Variants in TRIM27 observed in about 807,000 individuals in gnomAD.
The protein encoded by TRIM27 is zinc finger protein RFP.
A neutral mutation model predicts 57.6 loss-of-function variants in TRIM27; 12 were observed. The observed-to-expected ratio is 0.21, with a 90% CI of 0.13 to 0.34. The LOEUF (loss-of-function observed/expected upper bound fraction) is 0.34, where lower values mean the gene tolerates loss of function less well. TRIM27 is among the 10% of genes least tolerant of loss of function. TRIM27 has a pLI of 1.00. For missense variants in TRIM27, 403 were observed against 656.8 expected, an observed-to-expected ratio of 0.61 and a Z score of 4.22; for synonymous variants, 266 against 259.0, an observed-to-expected ratio of 1.03 and a Z score of -0.26.
chr6:28,911,469 C>T (rs1773207459), intron 4 of TRIM27: 1 of 535,686 alleles, frequency 1.9e-6, no homozygotes, highest in African/African-American at 1.9e-5. Context: ...TGTCCTCATA[C>T]CCCTAATCCA....
intron 2 of TRIM27, 118 bp downstream of exon 2, chr6:28,921,774 A>G: frequency 2.5e-6 from 2 of 815,736 alleles, no homozygotes; most frequent in Non-Finnish European, 4.2e-6. Flanking sequence ...TGTGCGGTTG[A>G]TCCACCTCTA....
Position 28,920,134 on chromosome 6 carries a change from A to G in TRIM27, c.625T>C (p.Leu209=). Residue 209 remains leucine (L), a synonymous_variant, in exon 3 of 8, where the codon TTG becomes CTG. Coordinates refer to ENST00000377199, the MANE Select transcript of TRIM27 (RefSeq NM_006510.5). ...CCATTGATGCTATTGTAGATGGCCA[A>G]GTCTAGCTCCTCAAGGCGGGCCAGG... ...RLLARLEELD[L]AIYNSINGAI... is the part of the protein sequence containing the mutation. The G allele has an allele frequency of 6.2e-7, 1 of 1,614,218 alleles. No individual in the cohort carries two copies. The highest frequency in any genetic ancestry group is 8.5e-7 in the Non-Finnish European group (1 of 1,180,030).
rs146767221 is a variant in TRIM27, at chr6:28,922,095, T to C, written c.421-108A>G. 2.7e-3 allele frequency: 2,288 copies of C among 836,622 alleles called. 15 individuals carry two copies. Among genetic ancestry groups the C allele is most frequent in the Middle Eastern group, 0.025 (113 of 4,498 alleles). The allele number at this position is 836,622 out of a possible 1,614,324, so 51.8% of individuals were successfully genotyped here. A position where few individuals can be genotyped will look rare whatever the true frequency, so the allele number is the denominator to read the frequency against. ...CACACACCTGATGCCAAGTCTCCAG[T>C]TGGCGCTTGTCCTTAGGCCACACTG... On this transcript the variant is annotated intron_variant, in intron 1 of 7. Coordinates refer to ENST00000377199, the MANE Select transcript of TRIM27 (RefSeq NM_006510.5).
chr6:28,907,021 T>C lies in TRIM27; in HGVS notation c.946+215A>G, dbSNP rs549722803. ...CTTCTTTAACACCTGAGATTGATTT[T>C]ACCCTATGGCTTCAGCTCTGAGACA... On this transcript the variant is annotated intron_variant, in intron 7 of 7. Coordinates refer to ENST00000377199, the MANE Select transcript of TRIM27 (RefSeq NM_006510.5). The C allele has an allele frequency of 9.2e-6, 5 of 542,312 alleles. No homozygotes were observed. The East Asian group carries it at 1.2e-4, about 13-fold the overall frequency. 33.6% of individuals were successfully genotyped at this position (542,312 alleles called of 1,614,324 possible).
At chr6:28,916,556 A>C (rs1773626773) in intron 3 of TRIM27, among the ~76,000 whole-genome samples, 1 of 151,988 alleles carries the variant, frequency 6.6e-6, no homozygotes, top group Admixed American at 6.6e-5. Context: ...CTGCCTCAAA[A>C]AAAAAAAAAA....
intron 3 of TRIM27, chr6:28,914,708 G>T (rs1048544112): frequency 1.0e-4 from 15 of 150,594 alleles, no homozygotes; most frequent in African/African-American, 3.4e-4. Flanking sequence ...AAAAAAAAAA[G>T]AAACTGCATT....
intron 3 of TRIM27, among the ~76,000 whole-genome samples, chr6:28,914,150 T>A (rs1265022411): frequency 6.7e-6 from 1 of 150,180 alleles, no homozygotes; most frequent in Non-Finnish European, 1.5e-5. Flanking sequence ...TTTTTTTTTT[T>A]TTTGAGACAG....
intron 7 of TRIM27, chr6:28,905,736 T>G (rs1431913872): frequency 6.6e-6 from 1 of 152,178 alleles, no homozygotes; most frequent in East Asian, 1.9e-4. Context: ...ATCTTTACTC[T>G]GCACATCGAA....
chr6:28,917,819 T>C (rs1332055120), intron 3 of TRIM27, among the ~76,000 whole-genome samples: 4 of 151,758 alleles, frequency 2.6e-5, no homozygotes, highest in Non-Finnish European at 5.9e-5. Context: ...ACATGGTTTC[T>C]TTCTTCCTTT....
rs544009599 is a variant in TRIM27, at chr6:28,921,420, A to C, written c.516+472T>G. Among the ~76,000 whole-genome samples, 3 of 152,250 alleles carry C rather than the reference A, an allele frequency of 2.0e-5. No homozygotes were observed. In the East Asian group the frequency reaches 5.8e-4, roughly 29 times the overall value. ...TTCCCATATACCCCTAATATAAATT[A>C]ACACATCAGCCACTTGTTAAGGCCT... On this transcript the variant is annotated intron_variant, in intron 2 of 7. Coordinates refer to ENST00000377199, the MANE Select transcript of TRIM27 (RefSeq NM_006510.5).
intron 3 of TRIM27, among the ~76,000 whole-genome samples, chr6:28,917,739 A>G (rs1773715590): frequency 6.6e-6 from 1 of 152,004 alleles, no homozygotes; most frequent in African/African-American, 2.4e-5. Context: ...CTCTGACACT[A>G]ATTCCTGGCA....
rs1774272905 is a variant in TRIM27, at chr6:28,923,898, G to A, written c.-266C>T. 2.2e-6 allele frequency: 1 copy of A among 461,392 alleles called. No individual in the cohort carries two copies. Among genetic ancestry groups the A allele is most frequent in the Non-Finnish European group, 3.8e-6 (1 of 262,258 alleles). 28.6% of individuals were successfully genotyped at this position (461,392 alleles called of 1,614,324 possible). A position where few individuals can be genotyped will look rare whatever the true frequency, so the allele number is the denominator to read the frequency against. ...GCGGCCACGCTAGTGGGGCAGGAAA[G>A]GGTAGCCGAGGGTCAGAGTCCCAGG... On this transcript the variant is annotated 5_prime_UTR_variant, in exon 1 of 8. Transcript: ENST00000377199.
chr6:28,919,016 A>T (rs916582124), intron 3 of TRIM27, among the ~76,000 whole-genome samples: 1 of 150,902 alleles, frequency 6.6e-6, no homozygotes, highest in Non-Finnish European at 1.5e-5. Flanking sequence ...ATTTTTTATT[A>T]TTTATTTATT....
At chr6:28,909,915 G>T (rs950282636) in intron 4 of TRIM27, among the ~76,000 whole-genome samples, 1 of 152,094 alleles carries the variant, frequency 6.6e-6, no homozygotes, top group African/African-American at 2.4e-5. Context: ...ATGTGACCTT[G>T]TGACTAAGTT....
chr6:28,908,548 GGATT>G (rs71935170), intron 6 of TRIM27: 194,485 of 470,106 alleles, frequency 0.41, 42,659 homozygotes, highest in African/African-American at 0.62. Context: ...AATTAATTCT[GGATT>G]GATTAATTTT....
Position 28,904,772 on chromosome 6 carries a change from G to T in TRIM27, c.947-107C>A. ...CAATAATAAGAGGTTCCCACTGGAG[G>T]TTGCACGTATTTTATTTAGAATATA... is the stretch of plus-strand genomic sequence containing the variant. On this transcript the variant is annotated intron_variant, in intron 7 of 7. Coordinates refer to ENST00000377199, the MANE Select transcript of TRIM27 (RefSeq NM_006510.5). The surrounding 1 kb of genome is among the most constrained non-coding windows in gnomAD (Gnocchi z 6.1). The T allele has an allele frequency of 1.4e-6, 1 of 727,564 alleles. No homozygotes were observed. The highest frequency in any genetic ancestry group is 2.2e-6 in the Non-Finnish European group (1 of 455,824). The allele number at this position is 727,564 out of a possible 1,614,324, so 45.1% of individuals were successfully genotyped here. A position where few individuals can be genotyped will look rare whatever the true frequency, so the allele number is the denominator to read the frequency against.
At chr6:28,917,619 G>T (rs1054779668) in intron 3 of TRIM27, among the ~76,000 whole-genome samples, 2 of 151,482 alleles carry the variant, frequency 1.3e-5, no homozygotes, top group African/African-American at 4.9e-5. Flanking sequence ...GGGCAGAATG[G>T]TTACACTATA....
At chr6:28,911,527 A>G (rs1773211667) in intron 4 of TRIM27, 169 bp downstream of exon 4, 2 of 666,828 alleles carry the variant, frequency 3.0e-6, no homozygotes, top group East Asian at 5.6e-5. Flanking sequence ...TTTACTGAGT[A>G]GAGCTGTGGT....
At chr6:28,914,144 T>TC (rs1190480386) in intron 3 of TRIM27, among the ~76,000 whole-genome samples, 4 of 149,996 alleles carry the variant, frequency 2.7e-5, no homozygotes, top group Non-Finnish European at 4.4e-5. Context: ...CAGCTTTTTT[T>TC]TTTTTTTTTG....
Sources: gnomAD v4.1 joint callset for allele counts (sites outside exome capture counted in the v4.1 genomes callset) on GRCh38, gnomAD v4.1.1 for gene constraint, Gnocchi (gnomAD v3.1) non-coding constraint, MANE v1.5 for transcripts, NCBI Gene and HGNC (gene_info 2026-07-23, HGNC 2026-07-21) for gene names.